Variants in DEFB134 observed in about 807,000 individuals in gnomAD.
The protein encoded by DEFB134 is beta-defensin 134.
DEFB134 carries 7 observed loss-of-function variants against 7.4 expected under a neutral mutation model. The observed-to-expected ratio is 0.95, with a 90% CI of 0.54 to 1.79. The LOEUF (loss-of-function observed/expected upper bound fraction) is 1.79. Among genes scored for constraint, DEFB134 ranks in the 40% most tolerant of loss-of-function variants. The probability of loss-of-function intolerance (pLI) is 0.00; values close to 1 mark genes in which losing one functional copy is unlikely to be tolerated. For missense variants in DEFB134, 105 were observed against 74.8 expected (o/e 1.40, Z -1.49); for synonymous variants, 33 against 25.0 (o/e 1.32, Z -0.96).
intron 1 of DEFB134, among the ~76,000 whole-genome samples, chr8:11,995,186 G>A (rs960401662): frequency 2.8e-4 from 42 of 152,198 alleles, no homozygotes; most frequent in African/African-American, 9.6e-4. Context: ...GACAAGTTAT[G>A]AGAATGCAAA....
chr8:11,998,041 T>C (rs1200978801), upstream of DEFB134, among the ~76,000 whole-genome samples: 3 of 152,088 alleles, frequency 2.0e-5, no homozygotes, highest in Non-Finnish European at 4.4e-5. Context: ...GCAATAAAAA[T>C]AGAAATCAAT....
At chr8:11,994,265 G>T in intron 1 of DEFB134, 143 bp from the exon 3 acceptor site, 1 of 1,019,134 alleles carries the variant, frequency 9.8e-7, no homozygotes, top group Non-Finnish European at 1.4e-6. Flanking sequence ...ATTAATTAGT[G>T]GTAGGGGCTG....
chr8:11,998,372 G>A (rs571888570), upstream of DEFB134, among the ~76,000 whole-genome samples: 29 of 151,998 alleles, frequency 1.9e-4, no homozygotes, highest in East Asian at 1.9e-3. Flanking sequence ...AATTGCTTGC[G>A]CCTAAGGGGT....
At chr8:11,996,434 GA>G (rs1256109130), upstream of DEFB134, 25 of 464,756 alleles carry the variant, frequency 5.4e-5, no homozygotes, top group South Asian at 1.4e-4. Context: ...CTCATCTGAG[GA>G]AAAAAAATGG....
At chr8:11,998,938 A>G (rs182886893), upstream of DEFB134, 9 of 152,412 alleles carry the variant, frequency 5.9e-5, no homozygotes, top group East Asian at 1.7e-3. Flanking sequence ...AGCCTAGAAG[A>G]AACTGATAAA....
chr8:11,994,043 T>G (rs1380772345), exon 2 of DEFB134: 1 of 1,613,966 alleles, frequency 6.2e-7, no homozygotes, highest in Admixed American at 1.7e-5. Context: ...CAACTAACAT[T>G]TCACTCTCAT....
upstream of DEFB134, chr8:11,999,002 G>C (rs1038364385): frequency 2.0e-5 from 3 of 152,512 alleles, no homozygotes; most frequent in Non-Finnish European, 2.9e-5. Context: ...TTGAATGCCT[G>C]AGCAAACCAA....
At chr8:11,993,844 C>T in exon 2 of DEFB134, 1 of 1,185,080 alleles carries the variant, frequency 8.4e-7, no homozygotes, top group East Asian at 2.6e-5. Flanking sequence ...CAAGAGTCTG[C>T]TGGCCTATAA....
At chr8:11,993,317 A>AC (rs954037536) in exon 2 of DEFB134, 2 of 152,246 alleles carry the variant, frequency 1.3e-5, no homozygotes, top group African/African-American at 4.8e-5. Context: ...AGGAACCAAC[A>AC]CTAAACCACA....
At chr8:11,994,060 C>T in exon 2 of DEFB134, 1 of 1,613,904 alleles carries the variant, frequency 6.2e-7, no homozygotes, top group Admixed American at 1.7e-5. Context: ...TCATAGCATT[C>T]AAGTCTGCAG....
intron 1 of DEFB134, among the ~76,000 whole-genome samples, chr8:11,995,912 T>C (rs1800106042): frequency 6.7e-6 from 1 of 148,564 alleles, no homozygotes; most frequent in Non-Finnish European, 1.5e-5. Flanking sequence ...ATATTTCCAT[T>C]TTTCAAATGA....
At position 11,996,305 on chromosome 8, in the gene DEFB134, G is replaced by A; in HGVS notation, c.-54C>T. On this transcript the variant is annotated 5_prime_UTR_variant, in exon 1 of 2. Transcript: ENST00000526438. ...TGGCAGGGTCTGACATCGGCTGTCA[G>A]GGAACAGAGAGAAGAGGTTGAGCAC... 2.5e-6 allele frequency: 4 copies of A among 1,599,360 alleles called. No individual in the cohort carries two copies. Among genetic ancestry groups the A allele is most frequent in the Non-Finnish European group, 3.4e-6 (4 of 1,167,094 alleles).
At chr8:11,993,579 C>T (rs1800034738) in exon 2 of DEFB134, 1 of 158,624 alleles carries the variant, frequency 6.3e-6, no homozygotes, top group South Asian at 2.0e-4. Flanking sequence ...ATCTGCTTCT[C>T]TAAAGTTGGG....
At chr8:12,000,678 G>A (rs375602978), upstream of DEFB134, among the ~76,000 whole-genome samples, 130 of 152,304 alleles carry the variant, frequency 8.5e-4, 1 homozygote, top group African/African-American at 2.9e-3. Context: ...TTATGTGAAT[G>A]TGAACTCTGT....
upstream of DEFB134, among the ~76,000 whole-genome samples, chr8:11,998,653 A>G (rs1377402756): frequency 6.6e-6 from 1 of 152,068 alleles, no homozygotes; most frequent in African/African-American, 2.4e-5. Flanking sequence ...ACAAGAGCAA[A>G]TCAACCCACA....
At chr8:11,993,484 G>C (rs1483779930) in exon 2 of DEFB134, 4 of 152,634 alleles carry the variant, frequency 2.6e-5, no homozygotes, top group Non-Finnish European at 4.4e-5. Context: ...GTCAGACTCA[G>C]TGCAGACTCG....
Position 11,995,958 on chromosome 8 carries a change from C to CAAAAAAAAAAAAAAAAAA in DEFB134, c.58+235_58+236insTTTTTTTTTTTTTTTTTT, listed in dbSNP as rs34837269. The stretch of plus-strand genomic sequence containing the variant: ...GCTCATTGGTGCGGATCAGTTCAGC[C>CAAAAAAAAAAAAAAAAAA]AAAAAAAAAAAGGAAACTAAGGCTC... On this transcript the variant is annotated intron_variant, in intron 1 of 1. Coordinates refer to ENST00000526438, the Ensembl canonical transcript of DEFB134. 3.1e-4 allele frequency among the ~76,000 whole-genome samples: 43 copies of CAAAAAAAAAAAAAAAAAA among 139,850 alleles called. 1 individual carries two copies. Among genetic ancestry groups the CAAAAAAAAAAAAAAAAAA allele is most frequent in the African/African-American group, 1.2e-3 (42 of 35,798 alleles). The allele number at this position is 139,850 out of a possible 152,430, so 91.7% of individuals were successfully genotyped here. A position where few individuals can be genotyped will look rare whatever the true frequency, so the allele number is the denominator to read the frequency against.
At chr8:11,998,639 A>T (rs1015828043), upstream of DEFB134, among the ~76,000 whole-genome samples, 1 of 152,136 alleles carries the variant, frequency 6.6e-6, no homozygotes, top group Non-Finnish European at 1.5e-5. Context: ...GAAGAACTAA[A>T]AAAACAAGAG....
intron 1 of DEFB134, among the ~76,000 whole-genome samples, chr8:11,995,338 G>C (rs911971896): frequency 3.3e-5 from 5 of 152,276 alleles, no homozygotes; most frequent in Admixed American, 1.3e-4. Flanking sequence ...TTAGCCTGGT[G>C]AGTCACATAA....
Sources: allele counts gnomAD v4.1 joint callset (sites outside exome capture counted in the v4.1 genomes callset), GRCh38; gene constraint gnomAD v4.1.1; transcripts MANE v1.5; gene names NCBI Gene and HGNC (gene_info 2026-07-23, HGNC 2026-07-21).